The following GSG1L variants were observed in gnomAD, a reference collection of about 807,000 sequenced individuals.
GSG1L encodes the protein germ cell-specific gene 1-like protein.
GSG1L carries 24 observed loss-of-function variants against 42.1 expected under a neutral mutation model. The observed-to-expected ratio is 0.57, with a 90% CI of 0.41 to 0.80. The LOEUF (loss-of-function observed/expected upper bound fraction) is 0.80. Ranked by LOEUF, GSG1L falls within the 30% of genes least tolerant of loss-of-function variation. The pLI is 0.00. For synonymous variants in GSG1L, 215 were observed against 203.5 expected (o/e 1.06, Z -0.48); for missense variants, 445 against 472.2 (o/e 0.94, Z 0.53).
intron 4 of GSG1L, among the ~76,000 whole-genome samples, chr16:27,841,251 T>C (rs1375272069): frequency 6.6e-6 from 1 of 152,062 alleles, no homozygotes; most frequent in African/African-American, 2.4e-5. Context: ...GAACCTGAAC[T>C]GTCTGACTCC....
Position 28,040,766 on chromosome 16 carries a change from G to C in GSG1L, c.349+22310C>G, listed in dbSNP as rs912925469. Among the ~76,000 whole-genome samples the C allele has an allele frequency of 6.6e-6, 1 of 152,148 alleles. No homozygotes were observed. ...GGTGGCTCTGGAGCCCCACATGCCC[G>C]CCCCAGGCAGGGTAGTGCTGACTGG... On this transcript the variant is annotated intron_variant, in intron 1 of 6. Transcript: ENST00000447459. This position sits in a 1 kb window ranked among gnomAD's most constrained non-coding sequence, Gnocchi z 4.1.
At chr16:27,901,252 C>T (rs187069493) in intron 2 of GSG1L, among the ~76,000 whole-genome samples, 124 of 152,208 alleles carry the variant, frequency 8.1e-4, no homozygotes, top group African/African-American at 2.7e-3. Flanking sequence ...GCAGGGAAGC[C>T]GTATTTCAAG....
intron 3 of GSG1L, among the ~76,000 whole-genome samples, chr16:27,861,092 G>T (rs2083644146): frequency 6.6e-6 from 1 of 152,188 alleles, no homozygotes. Flanking sequence ...TGAGGGCCGG[G>T]TTCGGTGGTT....
intron 1 of GSG1L, among the ~76,000 whole-genome samples, chr16:28,053,149 G>A (rs908237715): frequency 6.6e-6 from 1 of 152,170 alleles, no homozygotes; most frequent in Non-Finnish European, 1.5e-5. Flanking sequence ...AGAAGGGGGT[G>A]GCATGCAGAC....
In GSG1L at chr16:27,903,313, C is replaced by T. The variant is rs138272733; in HGVS notation, c.398-18675G>A. On this transcript the variant is annotated intron_variant, in intron 2 of 6. Coordinates refer to ENST00000447459, the MANE Select transcript of GSG1L (RefSeq NM_001109763.2). ...CCTGGGTACCCAGTATTCCCTCTGGCTGCCACACAGAGAGAGAGAAGTGGG... is the reference window on the plus strand; with the variant it reads ...CCTGGGTACCCAGTATTCCCTCTGGTTGCCACACAGAGAGAGAGAAGTGGG... Among the ~76,000 whole-genome samples the T allele has an allele frequency of 2.2e-4, 33 of 152,248 alleles. 1 individual carries two copies. Among genetic ancestry groups the T allele is most frequent in the Admixed American group, 8.5e-4 (13 of 15,292 alleles).
intron 5 of GSG1L, among the ~76,000 whole-genome samples, chr16:27,809,022 G>A (rs1383598550): frequency 6.6e-6 from 1 of 152,140 alleles, no homozygotes; most frequent in Non-Finnish European, 1.5e-5. Context: ...TTGTAACCCA[G>A]GTAAATTCCA....
chr16:27,829,678 C>T (rs1302904249), intron 4 of GSG1L, among the ~76,000 whole-genome samples: 3 of 152,134 alleles, frequency 2.0e-5, no homozygotes, highest in Non-Finnish European at 4.4e-5. Flanking sequence ...TCCCAAAGTA[C>T]TGGGATTATA....
intron 1 of GSG1L, among the ~76,000 whole-genome samples, chr16:28,050,981 T>C (rs766488510): frequency 5.9e-5 from 9 of 152,230 alleles, no homozygotes; most frequent in Non-Finnish European, 1.2e-4. Context: ...GTCGTCTGTC[T>C]TCCTCCTTTG....
At chr16:27,894,635 C>T (rs754342795) in intron 2 of GSG1L, among the ~76,000 whole-genome samples, 7 of 152,096 alleles carry the variant, frequency 4.6e-5, no homozygotes, top group Non-Finnish European at 7.4e-5. Flanking sequence ...GTGGCAGCTG[C>T]TGTTTGCAAA....
intron 1 of GSG1L, among the ~76,000 whole-genome samples, chr16:28,057,027 G>A (rs1237342801): frequency 2.0e-5 from 3 of 152,062 alleles, no homozygotes; most frequent in Non-Finnish European, 4.4e-5. Context: ...CAAAAGCCTC[G>A]GCCTGTCAAA....
intron 1 of GSG1L, among the ~76,000 whole-genome samples, chr16:27,991,831 T>C (rs1460546657): frequency 1.3e-5 from 2 of 152,170 alleles, no homozygotes; most frequent in Non-Finnish European, 2.9e-5. Flanking sequence ...TCTCCCTCCT[T>C]TGGAATCCTA....
chr16:27,972,374 G>A (rs1383196593), intron 1 of GSG1L, among the ~76,000 whole-genome samples: 2 of 152,178 alleles, frequency 1.3e-5, no homozygotes, highest in South Asian at 2.1e-4. Context: ...CAGAAGAGAT[G>A]TTTTTCCTCC....
In GSG1L at chr16:27,850,188, C is replaced by T. The variant is rs1002761822; in HGVS notation, c.551-5127G>A. 4.6e-5 allele frequency among the ~76,000 whole-genome samples: 7 copies of T among 151,788 alleles called. No individual in the cohort carries two copies. In the East Asian group the frequency reaches 9.7e-4, roughly 21 times the overall value. The stretch of plus-strand genomic sequence containing the variant: ...GGATTACAGGTGCCACCACTACACC[C>T]GGCTAATTTTTGTATTTTTAGTAGA... On this transcript the variant is annotated intron_variant, in intron 3 of 6. Transcript: ENST00000447459.
chr16:27,961,981 G>A lies in GSG1L; in HGVS notation c.397+1175C>T, dbSNP rs577915706. 5.3e-5 allele frequency among the ~76,000 whole-genome samples: 8 copies of A among 152,262 alleles called. No individual in the cohort carries two copies. In the East Asian group the frequency reaches 1.5e-3, roughly 29 times the overall value. Reference sequence around the variant, plus strand: ...AATGTCACCAGCTTCCAGGACACATGGTGCCCTTCTGCCTCAGTTTCCCCT... The same window carrying A: ...AATGTCACCAGCTTCCAGGACACATAGTGCCCTTCTGCCTCAGTTTCCCCT... On this transcript the variant is annotated intron_variant, in intron 2 of 6. Transcript: ENST00000447459.
intron 3 of GSG1L, among the ~76,000 whole-genome samples, chr16:27,865,570 TATACACACAC>T (rs1348184172): frequency 4.2e-3 from 52 of 12,504 alleles, no homozygotes; most frequent in African/African-American, 0.019. Flanking sequence ...TATATATATA[TATACACACAC>T]ACATACATAC....
At chr16:28,004,224 C>A (rs2085611616) in intron 1 of GSG1L, among the ~76,000 whole-genome samples, 1 of 152,176 alleles carries the variant, frequency 6.6e-6, no homozygotes, top group Admixed American at 6.5e-5. Flanking sequence ...CTGGCTGCTC[C>A]CTTGCCGCCA....
intron 2 of GSG1L, among the ~76,000 whole-genome samples, chr16:27,944,240 A>C (rs772931788): frequency 1.3e-5 from 2 of 152,196 alleles, no homozygotes; most frequent in Non-Finnish European, 2.9e-5. Context: ...TCCCAATTTT[A>C]AAAAGGTTTT....
rs1249363675 is a variant in GSG1L at position 28,040,515 on chromosome 16, C to CAAT, written c.349+22558_349+22560dup. Reference sequence around the variant, plus strand: ...TTGTTCACCACTGTATTCTCAACATCAATAATAATAATAATAGAAAAAAAT... The same window carrying CAAT: ...TTGTTCACCACTGTATTCTCAACATCAATAATAATAATAATAATAGAAAAAAAT... On this transcript the variant is annotated intron_variant, in intron 1 of 6. Coordinates refer to ENST00000447459, the MANE Select transcript of GSG1L (RefSeq NM_001109763.2). The surrounding 1 kb of genome is among the most constrained non-coding windows in gnomAD (Gnocchi z 4.1). Among the ~76,000 whole-genome samples the CAAT allele has an allele frequency of 1.3e-5, 2 of 152,048 alleles. No homozygotes were observed. Among genetic ancestry groups the CAAT allele is most frequent in the East Asian group, 1.9e-4 (1 of 5,172 alleles).
At chr16:27,792,997 A>T in intron 6 of GSG1L, among the ~76,000 whole-genome samples, 1 of 152,236 alleles carries the variant, frequency 6.6e-6, no homozygotes, top group Admixed American at 6.5e-5. Context: ...TCAGCATTTA[A>T]AAAAATGTGA....
Sources: gnomAD v4.1 joint callset for allele counts (sites outside exome capture counted in the v4.1 genomes callset) on GRCh38, gnomAD v4.1.1 for gene constraint, Gnocchi (gnomAD v3.1) non-coding constraint, MANE v1.5 for transcripts, NCBI Gene and HGNC (gene_info 2026-07-23, HGNC 2026-07-21) for gene names.